The following FGGY variants were observed in gnomAD, a reference collection of about 807,000 sequenced individuals.
FGGY encodes FGGY carbohydrate kinase domain containing.
A neutral mutation model predicts 71.3 loss-of-function variants in FGGY; 72 were observed. The observed-to-expected ratio is 1.01, with a 90% CI of 0.84 to 1.23. FGGY has a LOEUF of 1.23. Ranked by LOEUF, FGGY falls within the 50% of genes most tolerant of loss-of-function variation. FGGY has a pLI of 0.00. For missense variants in FGGY, 668 were observed against 682.3 expected (o/e 0.98, Z 0.23); for synonymous variants, 251 against 250.3 (o/e 1.00, Z -0.02).
At chr1:59,377,843 T>G (rs1467815488) in intron 4 of FGGY, among the ~76,000 whole-genome samples, 1 of 151,958 alleles carries the variant, frequency 6.6e-6, no homozygotes, top group Non-Finnish European at 1.5e-5. Flanking sequence ...GTAAAGAAAA[T>G]GCCCAGCAGT....
intron 5 of FGGY, among the ~76,000 whole-genome samples, chr1:59,414,497 C>T (rs2153431318): frequency 6.6e-6 from 1 of 152,352 alleles, no homozygotes; most frequent in Non-Finnish European, 1.5e-5. Flanking sequence ...GGAGAGGACC[C>T]TCTGGAGTTC....
rs184649093 is a variant in FGGY, at chr1:59,613,741, A to G, written c.1011+5831A>G. ...TTTTGAAAAGATCAACAAAATTGAT[A>G]GAACGCTAGCAAGACTAATGAAGAA... On this transcript the variant is annotated intron_variant, in intron 9 of 15. Coordinates refer to ENST00000303721, the MANE Select transcript of FGGY (RefSeq NM_018291.5). Among the ~76,000 whole-genome samples the G allele has an allele frequency of 3.0e-3, 456 of 152,342 alleles. 2 individuals carry two copies. Among genetic ancestry groups the G allele is most frequent in the Middle Eastern group, 0.014 (4 of 294 alleles).
At chr1:59,308,967 G>T (rs2043846405) in intron 1 of FGGY, among the ~76,000 whole-genome samples, 1 of 152,026 alleles carries the variant, frequency 6.6e-6, no homozygotes, top group African/African-American at 2.4e-5. Context: ...TTTGCTTCTA[G>T]AGTGTTTGTG....
chr1:59,330,616 A>G (rs1324663015), intron 2 of FGGY, among the ~76,000 whole-genome samples: 2 of 152,026 alleles, frequency 1.3e-5, no homozygotes, highest in Admixed American at 6.6e-5. Context: ...CCCTACTTCT[A>G]CCCACTGGAG....
intron 5 of FGGY, among the ~76,000 whole-genome samples, chr1:59,408,956 C>T (rs2063180959): frequency 6.6e-6 from 1 of 152,158 alleles, no homozygotes; most frequent in African/African-American, 2.4e-5. Context: ...GTAACTTTAA[C>T]CACGGCAGCC....
chr1:59,451,467 G>C (rs945815970), intron 5 of FGGY, among the ~76,000 whole-genome samples: 2 of 150,484 alleles, frequency 1.3e-5, no homozygotes, highest in Non-Finnish European at 3.0e-5. Context: ...TATCCACTTA[G>C]ATTTCAATAC....
At chr1:59,664,068 AC>A (rs2097301885) in intron 12 of FGGY, among the ~76,000 whole-genome samples, 1 of 152,166 alleles carries the variant, frequency 6.6e-6, no homozygotes, top group Admixed American at 6.5e-5. Context: ...CCTGTCAACC[AC>A]CCGGTTTATC....
At chr1:59,663,843 A>T (rs1458944792) in intron 12 of FGGY, among the ~76,000 whole-genome samples, 1 of 152,204 alleles carries the variant, frequency 6.6e-6, no homozygotes, top group East Asian at 1.9e-4. Context: ...GGGAAAAAAA[A>T]ATGTTGTTTC....
chr1:59,518,426 T>C (rs2153641383), intron 7 of FGGY, among the ~76,000 whole-genome samples: 1 of 152,342 alleles, frequency 6.6e-6, no homozygotes, highest in African/African-American at 2.4e-5. Flanking sequence ...AATATACTTA[T>C]TGGCAATAGT....
chr1:59,380,415 G>C (rs2059267066), intron 5 of FGGY, among the ~76,000 whole-genome samples: 1 of 151,550 alleles, frequency 6.6e-6, no homozygotes, highest in Non-Finnish European at 1.5e-5. Context: ...CCCACCAACA[G>C]TGTAAAAGTG....
intron 6 of FGGY, among the ~76,000 whole-genome samples, chr1:59,474,817 G>T (rs2093179299): frequency 6.6e-6 from 1 of 152,280 alleles, no homozygotes; most frequent in South Asian, 2.1e-4. Flanking sequence ...GGTCACCAGG[G>T]TCAGATGGAC....
intron 5 of FGGY, among the ~76,000 whole-genome samples, chr1:59,423,866 C>G (rs1334417294): frequency 1.3e-5 from 2 of 152,216 alleles, no homozygotes; most frequent in Non-Finnish European, 2.9e-5. Context: ...GATTCCTACT[C>G]CTTCATGAAG....
chr1:59,401,369 G>A (rs1031783887), intron 5 of FGGY, among the ~76,000 whole-genome samples: 10 of 152,138 alleles, frequency 6.6e-5, no homozygotes, highest in African/African-American at 2.4e-4. Context: ...AAACTGCTTT[G>A]TATTACTGAC....
chr1:59,363,636 A>G (rs1407386914), intron 4 of FGGY, among the ~76,000 whole-genome samples: 2 of 152,188 alleles, frequency 1.3e-5, no homozygotes, highest in Non-Finnish European at 2.9e-5. Flanking sequence ...ATAGAGTAGC[A>G]TATTGCATGA....
At chr1:59,623,074 T>C (rs1032817561) in intron 9 of FGGY, among the ~76,000 whole-genome samples, 3 of 152,148 alleles carry the variant, frequency 2.0e-5, no homozygotes, top group Admixed American at 1.3e-4. Context: ...GACATATAAC[T>C]AAGGATTGTA....
chr1:59,697,131 A>G (rs571878233), intron 14 of FGGY, among the ~76,000 whole-genome samples: 4 of 152,352 alleles, frequency 2.6e-5, no homozygotes, highest in African/African-American at 9.6e-5. Flanking sequence ...AACATTGTAC[A>G]TAATTGTAAA....
intron 14 of FGGY, among the ~76,000 whole-genome samples, chr1:59,726,556 T>C (rs1348718743): frequency 6.6e-6 from 1 of 152,164 alleles, no homozygotes. Flanking sequence ...CATTTGGGCC[T>C]GGCACTTTGG....
At chr1:59,457,350 C>G (rs1389708669) in intron 6 of FGGY, among the ~76,000 whole-genome samples, 2 of 152,202 alleles carry the variant, frequency 1.3e-5, no homozygotes, top group African/African-American at 4.8e-5. Flanking sequence ...GTGGCTCACA[C>G]CTGTAATCCC....
intron 14 of FGGY, among the ~76,000 whole-genome samples, chr1:59,736,849 C>A (rs2098109894): frequency 6.6e-6 from 1 of 152,360 alleles, no homozygotes; most frequent in African/African-American, 2.4e-5. Flanking sequence ...CGTTAATCCC[C>A]AAGACAATGG....
Sources: gnomAD v4.1 joint callset for allele counts (sites outside exome capture counted in the v4.1 genomes callset) on GRCh38, gnomAD v4.1.1 for gene constraint, MANE v1.5 for transcripts, NCBI Gene and HGNC (gene_info 2026-07-23, HGNC 2026-07-21) for gene names.